The following TM9SF2 variants were observed in gnomAD, a reference collection of about 807,000 sequenced individuals.
The protein encoded by TM9SF2 is 76 kDa membrane protein.
Under a neutral mutation model 84.9 loss-of-function variants are expected in TM9SF2, and 13 were observed. That is an observed-to-expected ratio of 0.15 (90% CI 0.10 to 0.24). The LOEUF is 0.24. TM9SF2 is among the 10% of genes least tolerant of loss of function. The pLI, the probability that TM9SF2 is intolerant of heterozygous loss-of-function variation, is 1.00. For synonymous variants in TM9SF2, 273 were observed against 285.8 expected, an observed-to-expected ratio of 0.96 and a Z score of 0.45; for missense variants, 562 against 818.5, an observed-to-expected ratio of 0.69 and a Z score of 3.82.
intron 1 of TM9SF2, among the ~76,000 whole-genome samples, chr13:99,506,281 C>T (rs1463468275): frequency 6.6e-6 from 1 of 151,946 alleles, no homozygotes; most frequent in Non-Finnish European, 1.5e-5. Flanking sequence ...TTTTGAAATA[C>T]TTAAAGAAAA....
intron 8 of TM9SF2, 123 bp downstream of exon 8, chr13:99,540,916 T>C: frequency 1.2e-6 from 1 of 837,766 alleles, no homozygotes; most frequent in Non-Finnish European, 1.8e-6. Flanking sequence ...GTTCAAATCC[T>C]GGCTTTCAGC....
At chr13:99,529,919 A>G (rs949887101) in intron 4 of TM9SF2, among the ~76,000 whole-genome samples, 3 of 152,224 alleles carry the variant, frequency 2.0e-5, no homozygotes, top group Non-Finnish European at 1.5e-5. Context: ...CCACTGCAAT[A>G]AAGCAAATAA....
intron 1 of TM9SF2, among the ~76,000 whole-genome samples, chr13:99,511,034 TC>T (rs2046111580): frequency 6.6e-6 from 1 of 152,228 alleles, no homozygotes; most frequent in African/African-American, 2.4e-5. Flanking sequence ...AGATCATCGT[TC>T]CTGCTCCTGG....
At chr13:99,527,121 G>A (rs970655148) in intron 3 of TM9SF2, among the ~76,000 whole-genome samples, 11 of 152,114 alleles carry the variant, frequency 7.2e-5, no homozygotes, top group Non-Finnish European at 1.5e-4. Flanking sequence ...AGCAGTTGAG[G>A]GGGGATACAT....
At chr13:99,555,774 T>C (rs1473222678) in intron 15 of TM9SF2, 127 bp downstream of exon 15, 3 of 542,906 alleles carry the variant, frequency 5.5e-6, no homozygotes, top group South Asian at 3.9e-5. Flanking sequence ...TTGACCTGTA[T>C]TCCTAAATCA....
intron 14 of TM9SF2, 66 bp downstream of exon 14, chr13:99,554,521 T>TTA: frequency 6.7e-7 from 1 of 1,495,494 alleles, no homozygotes; most frequent in Non-Finnish European, 9.0e-7. Context: ...TTTTGTTTGT[T>TTA]TATATGGGTT....
chr13:99,511,461 T>G (rs969674505), intron 1 of TM9SF2, among the ~76,000 whole-genome samples: 1 of 152,266 alleles, frequency 6.6e-6, no homozygotes, highest in East Asian at 1.9e-4. Context: ...TATGACACTT[T>G]TGAAATTTCT....
intron 13 of TM9SF2, 148 bp from the exon 14 acceptor site, chr13:99,554,156 C>G (rs1015437778): frequency 2.2e-5 from 20 of 925,188 alleles, no homozygotes; most frequent in Non-Finnish European, 3.2e-5. Flanking sequence ...CTTCCAAAGA[C>G]AAATTTCAGT....
chr13:99,508,978 T>C (rs1254474623), intron 1 of TM9SF2, among the ~76,000 whole-genome samples: 3 of 152,110 alleles, frequency 2.0e-5, no homozygotes, highest in African/African-American at 2.4e-5. Context: ...TTCCTAATAG[T>C]CTCCCAAAAT....
At chr13:99,527,211 G>T (rs535016575) in intron 3 of TM9SF2, among the ~76,000 whole-genome samples, 1 of 152,248 alleles carries the variant, frequency 6.6e-6, no homozygotes, top group Admixed American at 6.5e-5. Context: ...AGAGGGTAGA[G>T]GGCATAATGG....
At chr13:99,556,105 A>C (rs2046323652) in intron 15 of TM9SF2, among the ~76,000 whole-genome samples, 1 of 152,206 alleles carries the variant, frequency 6.6e-6, no homozygotes, top group South Asian at 2.1e-4. Context: ...GGCAGCACCA[A>C]AATGATAGTA....
intron 14 of TM9SF2, among the ~76,000 whole-genome samples, chr13:99,554,998 A>T (rs933571006): frequency 1.1e-4 from 16 of 152,260 alleles, no homozygotes; most frequent in Admixed American, 2.0e-4. Context: ...ATTTTGAGCC[A>T]TTCTGTGTGT....
At chr13:99,550,396 A>C (rs1419652572) in intron 12 of TM9SF2, among the ~76,000 whole-genome samples, 1 of 152,156 alleles carries the variant, frequency 6.6e-6, no homozygotes, top group Admixed American at 6.5e-5. Context: ...TTTGCCAATA[A>C]TGTTCCCATT....
rs889391736 is a variant in TM9SF2, at chr13:99,540,296, C to G, written c.829-418C>G. Among the ~76,000 whole-genome samples, 5 of 150,550 alleles carry G rather than the reference C, an allele frequency of 3.3e-5. 1 individual carries two copies. Among genetic ancestry groups the G allele is most frequent in the Middle Eastern group, 6.3e-3 (2 of 316 alleles). On this transcript the variant is annotated intron_variant, in intron 7 of 16. Coordinates refer to ENST00000376387, the MANE Select transcript of TM9SF2 (RefSeq NM_004800.3). The stretch of plus-strand genomic sequence containing the variant: ...CTGGTGCAGTAAATAGTATATATTT[C>G]TAGATATTAAGAGCTCAGTGTGCCT...
At chr13:99,549,325 C>A (rs1369772701) in intron 12 of TM9SF2, 103 bp downstream of exon 12, 3 of 830,630 alleles carry the variant, frequency 3.6e-6, no homozygotes, top group Non-Finnish European at 3.8e-6. Flanking sequence ...AAATCATGTA[C>A]CTAAGAAAGT....
intron 1 of TM9SF2, among the ~76,000 whole-genome samples, 153 bp from the exon 2 acceptor site, chr13:99,517,461 C>G (rs548950195): frequency 6.6e-6 from 1 of 152,250 alleles, no homozygotes; most frequent in East Asian, 1.9e-4. Flanking sequence ...TAAATCCAGT[C>G]AGTGAATGGA....
At chr13:99,533,759 A>C (rs1594053893) in intron 4 of TM9SF2, among the ~76,000 whole-genome samples, 1 of 152,098 alleles carries the variant, frequency 6.6e-6, no homozygotes, top group Non-Finnish European at 1.5e-5. Flanking sequence ...CCTGGGTTCA[A>C]GTGATTCTCC....
rs2046249362 is a variant in TM9SF2, at chr13:99,539,504, A to G, written c.775A>G (p.Asn259Asp). ...CTCAGGGCCCCCCATGGACATAAGT[A>G]ACAAGGCTTCTGGGGAGATAAAAAT... is the stretch of plus-strand genomic sequence containing the variant. ...DCSGPPMDISNKASGEIKIAY... is the reference protein window; with the variant it reads ...DCSGPPMDISDKASGEIKIAY... Residue 259 changes from asparagine (N) to aspartate (D), a missense_variant, in exon 7 of 17, where the codon AAC becomes GAC. Physicochemically the swap from Asn to Asp is conservative, Grantham distance 23. Around this residue, in one of 4 missense-constraint regions of TM9SF2, gnomAD observed 219 missense variants for 338.1 expected, o/e 0.65. Coordinates refer to ENST00000376387, the MANE Select transcript of TM9SF2 (RefSeq NM_004800.3). 1 of 1,613,890 alleles carries G rather than the reference A, an allele frequency of 6.2e-7. No homozygotes were observed.
intron 3 of TM9SF2, among the ~76,000 whole-genome samples, chr13:99,526,147 G>C (rs1445068795): frequency 6.6e-6 from 1 of 152,230 alleles, no homozygotes; most frequent in Non-Finnish European, 1.5e-5. Context: ...CTGTGAGTGA[G>C]GAGGGAGGCA....
Sources: gnomAD v4.1 joint callset for allele counts (sites outside exome capture counted in the v4.1 genomes callset) on GRCh38, gnomAD v4.1.1 for gene constraint, gnomAD v4.1.1 regional missense constraint, MANE v1.5 for transcripts, NCBI Gene and HGNC (gene_info 2026-07-23, HGNC 2026-07-21) for gene names.